The following SLC22A13 variants were observed in gnomAD, a reference collection of about 807,000 sequenced individuals.
SLC22A13 encodes organic anion transporter 10.
Under a neutral mutation model 49.1 loss-of-function variants are expected in SLC22A13, and 42 were observed. The observed-to-expected ratio is 0.85, with a 90% confidence interval of 0.67 to 1.11. The LOEUF is 1.11. Ranked by LOEUF, SLC22A13 falls within the 50% of genes least tolerant of loss-of-function variation. SLC22A13 has a pLI of 0.00. For missense variants in SLC22A13, 694 were observed against 712.8 expected (o/e 0.97, Z 0.30); for synonymous variants, 282 against 293.1 (o/e 0.96, Z 0.39).
chr3:38,271,466 T>C (rs9869306), intron 1 of SLC22A13, among the ~76,000 whole-genome samples: 7 of 143,640 alleles, frequency 4.9e-5, no homozygotes, highest in African/African-American at 1.8e-4. Flanking sequence ...CTCCAGAGGC[T>C]GAAGTAGGAC....
intron 1 of SLC22A13, 61 bp from the exon 2 acceptor site, chr3:38,274,211 G>C (rs976415642): frequency 8.2e-7 from 1 of 1,222,702 alleles, no homozygotes. Context: ...AGTGGGACAG[G>C]TGGTGTAGGG....
intron 8 of SLC22A13, 90 bp from the exon 9 acceptor site, chr3:38,276,822 G>A (rs1454714784): frequency 1.2e-5 from 14 of 1,173,124 alleles, no homozygotes; most frequent in Admixed American, 2.0e-5. Context: ...GACCTTTGAG[G>A]TCTGGACTCT....
In SLC22A13 at chr3:38,276,927, G is replaced by A; in HGVS notation, c.1362G>A (p.Gly454=). 2 of 1,613,766 alleles carry A rather than the reference G, an allele frequency of 1.2e-6. No individual in the cohort carries two copies. Among genetic ancestry groups the A allele is most frequent in the Non-Finnish European group, 1.7e-6 (2 of 1,179,918 alleles). Residue 454 remains glycine (G), a synonymous_variant, in exon 9 of 10, where the codon GGG becomes GGA. Transcript: ENST00000311856. ...CTTCCCCCAGGCAGACAGGCATGGG[G>A]CTGGTGGGCATCTTCTCACGGATCG... ...FPTILRQTGM[G]LVGIFSRIGG...
rs1240923013 is a variant in SLC22A13 at position 38,278,016 on chromosome 3, G to C, written c.*551G>C. 6.6e-6 allele frequency: 1 copy of C among 152,412 alleles called. No homozygotes were observed. The highest frequency in any genetic ancestry group is 2.1e-4 in the South Asian group (1 of 4,844). The allele number at this position is 152,412 out of a possible 1,614,324, so 9.4% of individuals were successfully genotyped here. On this transcript the variant is annotated 3_prime_UTR_variant, in exon 10 of 10. Transcript: ENST00000311856. ...AACGTATGGCCCCATAGGTCACTGG[G>C]TCATACAGAGAGAAGATTCAGTTCA...
Position 38,277,002 on chromosome 3 carries a change from C to A in SLC22A13, c.1437C>A (p.Ala479=). The part of the protein sequence containing the change: ...LVILLGEYHA[A]LPMLIYGSLP... ...TCCTGCTGGGAGAGTACCACGCTGC[C>A]CTCCCCATGCTCATCTACGGCAGCC... The change falls in exon 9 of 10, where the codon GCC becomes GCA. Residue 479 remains alanine (A), a synonymous_variant. Transcript: ENST00000311856. The A allele has an allele frequency of 6.2e-7, 1 of 1,611,414 alleles. No homozygotes were observed. The highest frequency in any genetic ancestry group is 8.5e-7 in the Non-Finnish European group (1 of 1,178,954).
rs192973902 is a variant in SLC22A13 at position 38,274,292 on chromosome 3, G to A, written c.399G>A (p.Arg133=). The A allele has an allele frequency of 2.5e-6, 4 of 1,614,102 alleles. No individual in the cohort carries two copies. The African/African-American group carries it at 4.0e-5, about 16-fold the overall frequency. ...CTCAGTTCAACCTGGTTTGTGATCG[G>A]AAGCACCTGAAGGACACCACACAGT... is the stretch of plus-strand genomic sequence containing the variant. ...LKNEFNLVCD[R]KHLKDTTQSV... Residue 133 remains arginine (R), a synonymous_variant, in exon 2 of 10, where the codon CGG becomes CGA. Coordinates refer to ENST00000311856, the MANE Select transcript of SLC22A13 (RefSeq NM_004256.4).
In SLC22A13 at chr3:38,275,886, G is replaced by A. The variant is rs1051649650; in HGVS notation, c.1027G>A (p.Val343Met). The change falls in exon 7 of 10, where the codon GTG (valine) becomes ATG (methionine). Residue 343 changes from valine to methionine, a missense_variant. By Grantham distance (21) the Val-to-Met change is conservative. Transcript: ENST00000311856. Reference sequence around the variant, plus strand: ...GAACCCTTCATTACCTTGTAGGTTTGTGGACAGTCTGGGGTACTACGGCCT... The same window carrying A: ...GAACCCTTCATTACCTTGTAGGTTTATGGACAGTCTGGGGTACTACGGCCT... Reference protein sequence around the residue: ...VTLIIFCVWFVDSLGYYGLSL... With the variant: ...VTLIIFCVWFMDSLGYYGLSL... The A allele has an allele frequency of 1.7e-5, 27 of 1,613,894 alleles. No individual in the cohort carries two copies. The Admixed American group carries it at 4.5e-4, about 27-fold the overall frequency.
At position 38,275,444 on chromosome 3, in the gene SLC22A13, C is replaced by T. The variant is rs573021501; in HGVS notation, c.881C>T (p.Ala294Val). Reference sequence around the variant, plus strand: ...GAGGCGATACAACTGATCCAGAAGGCGGCCTCGGTCAATAGGCGGAAACTC... The same window carrying T: ...GAGGCGATACAACTGATCCAGAAGGTGGCCTCGGTCAATAGGCGGAAACTC... ...MDEAIQLIQK[A>V]ASVNRRKLSP... Residue 294 changes from alanine to valine, a missense_variant, in exon 5 of 10, where the codon GCG becomes GTG. Ala to Val is a moderately conservative substitution (Grantham distance 64, BLOSUM62 0). Coordinates refer to ENST00000311856, the MANE Select transcript of SLC22A13 (RefSeq NM_004256.4). The T allele has an allele frequency of 3.7e-5, 60 of 1,614,218 alleles. No individual in the cohort carries two copies. Among genetic ancestry groups the T allele is most frequent in the Admixed American group, 1.7e-4 (10 of 60,032 alleles).
At position 38,277,603 on chromosome 3, in the gene SLC22A13, T is replaced by C; in HGVS notation, c.*138T>C. 1.7e-6 allele frequency: 1 copy of C among 601,172 alleles called. No individual in the cohort carries two copies. The highest frequency in any genetic ancestry group is 2.9e-6 in the Non-Finnish European group (1 of 340,692). 37.2% of individuals were successfully genotyped at this position (601,172 alleles called of 1,614,324 possible). A position where few individuals can be genotyped will look rare whatever the true frequency, so the allele number is the denominator to read the frequency against. On this transcript the variant is annotated 3_prime_UTR_variant, in exon 10 of 10. Transcript: ENST00000311856. ...AGGACACCACAATCTGGCCCATGGC[T>C]GTCACCTCCTGCCGAGTCCAATCCC...
intron 2 of SLC22A13, 67 bp from the exon 3 acceptor site, chr3:38,274,537 C>G (rs984522218): frequency 6.4e-7 from 1 of 1,563,530 alleles, no homozygotes; most frequent in Admixed American, 1.7e-5. Context: ...GCTGGGCCCC[C>G]TTGCGGCCTT....
At chr3:38,277,172 T>G (rs983322176) in intron 9 of SLC22A13, 45 bp downstream of exon 9, 2 of 1,441,692 alleles carry the variant, frequency 1.4e-6, no homozygotes, top group Non-Finnish European at 1.9e-6. Flanking sequence ...GGTCTCACAT[T>G]GGCCACGCAC....
In SLC22A13 at chr3:38,265,865, C is replaced by G. The variant is rs1273847635; in HGVS notation, c.5C>G (p.Ala2Gly). ...AGGAGGTAGTGACTGGCATACATGG[C>G]TCAGTTTGTCCAGGTCCTGGCTGAA... is the stretch of plus-strand genomic sequence containing the variant. Reference protein sequence around the residue: MAQFVQVLAEIG... With the variant: MGQFVQVLAEIG... Residue 2 changes from alanine to glycine, a missense_variant, in exon 1 of 10, where the codon GCT becomes GGT. Coordinates refer to ENST00000311856, the MANE Select transcript of SLC22A13 (RefSeq NM_004256.4). 1 of 1,613,938 alleles carries G rather than the reference C, an allele frequency of 6.2e-7. No individual in the cohort carries two copies. The highest frequency in any genetic ancestry group is 1.7e-5 in the Admixed American group (1 of 60,024).
chr3:38,275,539 T>C, intron 5 of SLC22A13, 39 bp from the exon 6 acceptor site: 1 of 1,613,978 alleles, frequency 6.2e-7, no homozygotes. Context: ...CCCACACGGA[T>C]CTTCCTGCCT....
At position 38,275,402 on chromosome 3, in the gene SLC22A13, C is replaced by A. The variant is rs1703567529; in HGVS notation, c.839C>A (p.Thr280Asn). Reference protein sequence around the residue: ...ALPESARWLLTRGRMDEAIQL... With the variant: ...ALPESARWLLNRGRMDEAIQL... Reference sequence around the variant, plus strand: ...CCAGAATCTGCACGTTGGCTCCTGACCCGTGGGAGGATGGACGAGGCGATA... The same window carrying A: ...CCAGAATCTGCACGTTGGCTCCTGAACCGTGGGAGGATGGACGAGGCGATA... The change falls in exon 5 of 10, where the codon ACC (threonine) becomes AAC (asparagine). Residue 280 changes from threonine to asparagine, a missense_variant. Physicochemically the swap from Thr to Asn is moderately conservative, Grantham distance 65. Transcript: ENST00000311856. 1 of 1,614,062 alleles carries A rather than the reference C, an allele frequency of 6.2e-7. No homozygotes were observed. The highest frequency in any genetic ancestry group is 1.1e-5 in the South Asian group (1 of 91,090).
chr3:38,278,159 G>T lies in SLC22A13; in HGVS notation c.*694G>T, dbSNP rs968036793. The T allele has an allele frequency of 1.3e-5, 2 of 153,070 alleles. No homozygotes were observed. Among genetic ancestry groups the T allele is most frequent in the African/African-American group, 4.8e-5 (2 of 41,600 alleles). 9.5% of individuals were successfully genotyped at this position (153,070 alleles called of 1,614,324 possible). On this transcript the variant is annotated 3_prime_UTR_variant, in exon 10 of 10. Transcript: ENST00000311856. ...GGACCAGCTTGGGGAAGGAAAGGAG[G>T]TTTGTTCTGCTCCCCGCCTCACCCC...
chr3:38,269,823 G>A (rs1354024487), intron 1 of SLC22A13, among the ~76,000 whole-genome samples: 3 of 151,144 alleles, frequency 2.0e-5, no homozygotes, highest in Non-Finnish European at 2.9e-5. Flanking sequence ...CCATTAACTC[G>A]TCATTTAGCA....
intron 1 of SLC22A13, among the ~76,000 whole-genome samples, chr3:38,270,986 A>C (rs949883180): frequency 3.9e-5 from 6 of 152,078 alleles, no homozygotes; most frequent in African/African-American, 1.4e-4. Flanking sequence ...CCTGCACCAC[A>C]TGCTAATCCC....
intron 1 of SLC22A13, among the ~76,000 whole-genome samples, chr3:38,266,857 C>T (rs932309499): frequency 6.6e-6 from 1 of 152,178 alleles, no homozygotes; most frequent in African/African-American, 2.4e-5. Flanking sequence ...GAAAAGTTCC[C>T]ATCCTAGCCA....
Position 38,266,142 on chromosome 3 carries a change from C to T in SLC22A13, c.282C>T (p.Ser94=). Residue 94 remains serine (S), a synonymous_variant, in exon 1 of 10, where the codon AGC becomes AGT. Transcript: ENST00000311856. ...LMFRPPPANA[S]LQDILSHRFN... is the part of the protein sequence containing the mutation. Reference sequence around the variant, plus strand: ...TCCGGCCACCCCCCGCCAATGCCAGCCTGCAGGACATCCTCAGCCACCGCT... The same window carrying T: ...TCCGGCCACCCCCCGCCAATGCCAGTCTGCAGGACATCCTCAGCCACCGCT... 1.2e-6 allele frequency: 2 copies of T among 1,614,164 alleles called. No homozygotes were observed. The highest frequency in any genetic ancestry group is 1.7e-6 in the Non-Finnish European group (2 of 1,180,026).
Sources: gnomAD v4.1 joint callset for allele counts (sites outside exome capture counted in the v4.1 genomes callset) on GRCh38, gnomAD v4.1.1 for gene constraint, MANE v1.5 for transcripts, NCBI Gene and HGNC (gene_info 2026-07-23, HGNC 2026-07-21) for gene names.